Variants in INPP4B observed in about 807,000 individuals in gnomAD.
INPP4B encodes inositol polyphosphate-4-phosphatase type II B.
A neutral mutation model predicts 122.5 loss-of-function variants in INPP4B; 55 were observed. That is an observed-to-expected ratio of 0.45 (90% CI 0.36 to 0.56). INPP4B has a LOEUF of 0.56. Ranked by LOEUF, INPP4B falls within the 20% of genes least tolerant of loss-of-function variation. INPP4B has a pLI of 0.00. For synonymous variants in INPP4B, 403 were observed against 388.7 expected (o/e 1.04, Z -0.43); for missense variants, 1,000 against 1,097.7 (o/e 0.91, Z 1.26).
chr4:142,391,256 C>A (rs1797568461), intron 7 of INPP4B, among the ~76,000 whole-genome samples: 1 of 152,124 alleles, frequency 6.6e-6, no homozygotes, highest in Admixed American at 6.5e-5. Flanking sequence ...AGGACAAAGT[C>A]CAGTGTTAAA....
intron 11 of INPP4B, among the ~76,000 whole-genome samples, chr4:142,253,141 A>G (rs1733317169): frequency 6.6e-6 from 1 of 152,204 alleles, no homozygotes. Context: ...ATAAAAGATT[A>G]AAAATGGTAC....
In INPP4B at chr4:142,641,672, G is replaced by A. The variant is rs530995732; in HGVS notation, c.-191+84167C>T. Among the ~76,000 whole-genome samples the A allele has an allele frequency of 5.3e-5, 8 of 151,508 alleles. No homozygotes were observed. In the South Asian group the frequency reaches 1.7e-3, roughly 31 times the overall value. ...ATTTTCTTAATCCAGTCTATCATTG[G>A]ACAATTTGGGTTGGTTCCAAGTCTT... On this transcript the variant is annotated intron_variant, in intron 2 of 25. Coordinates refer to ENST00000262992, the MANE Select transcript of INPP4B (RefSeq NM_001101669.3).
chr4:142,520,237 A>G (rs1380092766), intron 2 of INPP4B, among the ~76,000 whole-genome samples: 1 of 152,050 alleles, frequency 6.6e-6, no homozygotes, highest in Non-Finnish European at 1.5e-5. Flanking sequence ...GCATAATTTT[A>G]CCAAATACAA....
intron 25 of INPP4B, among the ~76,000 whole-genome samples, chr4:142,051,658 C>T (rs1754677439): frequency 6.6e-6 from 1 of 151,990 alleles, no homozygotes; most frequent in African/African-American, 2.4e-5. Flanking sequence ...CGTTGCTCTA[C>T]AAGGGTTTTA....
intron 2 of INPP4B, among the ~76,000 whole-genome samples, chr4:142,657,949 G>A: frequency 6.6e-6 from 1 of 152,134 alleles, no homozygotes; most frequent in East Asian, 1.9e-4. Context: ...CAAAAAGAGA[G>A]GTAAATAGGA....
At chr4:142,262,613 T>C (rs1307572999) in intron 10 of INPP4B, among the ~76,000 whole-genome samples, 1 of 152,112 alleles carries the variant, frequency 6.6e-6, no homozygotes, top group African/African-American at 2.4e-5. Context: ...ATTTTAATTG[T>C]TTTCTTCCCC....
chr4:142,064,478 T>C (rs1762495110), intron 25 of INPP4B, among the ~76,000 whole-genome samples: 1 of 152,210 alleles, frequency 6.6e-6, no homozygotes, highest in African/African-American at 2.4e-5. Context: ...TAACAGTATG[T>C]ACCTTGAACA....
chr4:142,482,959 G>GAA lies in INPP4B; in HGVS notation c.-190-20235_-190-20234dup, dbSNP rs201105836. Among the ~76,000 whole-genome samples the GAA allele has an allele frequency of 7.2e-5, 11 of 152,050 alleles. No individual in the cohort carries two copies. In the East Asian group the frequency reaches 2.1e-3, roughly 29 times the overall value. Reference sequence around the variant, plus strand: ...GACTGTCATATATAAGATTATCTATGAATACATAATGCAATATTTCATTTA... The same window carrying GAA: ...GACTGTCATATATAAGATTATCTATGAAAATACATAATGCAATATTTCATTTA... On this transcript the variant is annotated intron_variant, in intron 2 of 25. Coordinates refer to ENST00000262992, the MANE Select transcript of INPP4B (RefSeq NM_001101669.3).
At chr4:142,676,956 C>A (rs1757900604) in intron 2 of INPP4B, among the ~76,000 whole-genome samples, 1 of 152,052 alleles carries the variant, frequency 6.6e-6, no homozygotes. Flanking sequence ...ACCAAAACAC[C>A]AAAAGCAATG....
intron 2 of INPP4B, among the ~76,000 whole-genome samples, chr4:142,694,005 A>G (rs1760626027): frequency 6.6e-6 from 1 of 152,142 alleles, no homozygotes; most frequent in Admixed American, 6.5e-5. Flanking sequence ...ACTAAAATAA[A>G]TAAAAGGGCT....
rs1187691287 is a variant in INPP4B, at chr4:142,182,173, A to G, written c.1182-8364T>C. Among the ~76,000 whole-genome samples the G allele has an allele frequency of 1.3e-5, 2 of 152,200 alleles. 1 individual carries two copies. ...CTGTCATTAGCTGCATTGGTGACTC[A>G]ATCGTTGGTCCTTGGTATTTTCATC... On this transcript the variant is annotated intron_variant, in intron 15 of 25. Coordinates refer to ENST00000262992, the MANE Select transcript of INPP4B (RefSeq NM_001101669.3).
chr4:142,576,318 C>T, intron 2 of INPP4B, among the ~76,000 whole-genome samples: 1 of 151,872 alleles, frequency 6.6e-6, no homozygotes, highest in Non-Finnish European at 1.5e-5. Flanking sequence ...CAAAGTACAA[C>T]TTCACTTACA....
intron 7 of INPP4B, among the ~76,000 whole-genome samples, chr4:142,334,360 G>A (rs541093097): frequency 1.4e-4 from 21 of 152,172 alleles, no homozygotes; most frequent in Non-Finnish European, 2.5e-4. Flanking sequence ...GAGGATACTC[G>A]GATTGTTTCC....
chr4:142,186,511 A>C (rs1833273600), intron 15 of INPP4B, among the ~76,000 whole-genome samples: 1 of 152,364 alleles, frequency 6.6e-6, no homozygotes, highest in Non-Finnish European at 1.5e-5. Flanking sequence ...AGAACATTAC[A>C]TTCTCAACAT....
Position 142,260,175 on chromosome 4 carries a change from G to A in INPP4B, c.688+317C>T, listed in dbSNP as rs1218270271. On this transcript the variant is annotated intron_variant, in intron 11 of 25. Transcript: ENST00000262992. ...AATTTTTGGTATTTTTAGTAGAGAC[G>A]GGGTTTCACCATGTCAGCCAGGATG... Among the ~76,000 whole-genome samples, 3 of 152,026 alleles carry A rather than the reference G, an allele frequency of 2.0e-5. 1 individual carries two copies. The highest frequency in any genetic ancestry group is 4.4e-5 in the Non-Finnish European group (3 of 67,998).
chr4:142,312,121 T>A (rs1394152632), intron 8 of INPP4B, among the ~76,000 whole-genome samples: 1 of 152,190 alleles, frequency 6.6e-6, no homozygotes, highest in Non-Finnish European at 1.5e-5. Flanking sequence ...CCAGGAATTA[T>A]AGCCGAGTTT....
intron 15 of INPP4B, among the ~76,000 whole-genome samples, chr4:142,182,700 G>A (rs1246106958): frequency 2.0e-5 from 3 of 151,936 alleles, no homozygotes; most frequent in Admixed American, 6.6e-5. Context: ...CTTATTTCCT[G>A]TATCCCCTTT....
At chr4:142,611,635 TTC>T (rs1560863667) in intron 2 of INPP4B, among the ~76,000 whole-genome samples, 62 of 136,444 alleles carry the variant, frequency 4.5e-4, no homozygotes, top group African/African-American at 1.6e-3. Flanking sequence ...TTTTTCTTTT[TTC>T]TTTTTTTTTT....
At chr4:142,590,881 C>CAAAAAAAAAA (rs59459819) in intron 2 of INPP4B, among the ~76,000 whole-genome samples, 2 of 93,644 alleles carry the variant, frequency 2.1e-5, no homozygotes, top group Admixed American at 1.2e-4. Context: ...TATCATTCTC[C>CAAAAAAAAAA]AAAAAAAAAA....
Sources: allele counts gnomAD v4.1 joint callset (sites outside exome capture counted in the v4.1 genomes callset), GRCh38; gene constraint gnomAD v4.1.1; transcripts MANE v1.5; gene names NCBI Gene and HGNC (gene_info 2026-07-23, HGNC 2026-07-21).